The following NARF variants were observed in gnomAD, a reference collection of about 807,000 sequenced individuals.
NARF encodes iron-only hydrogenase-like protein 2.
A neutral mutation model predicts 48.0 loss-of-function variants in NARF; 41 were observed. The ratio of observed to expected loss-of-function variants is 0.85; its 90% CI spans 0.66 to 1.11. NARF has a LOEUF of 1.11. Ranked by LOEUF, NARF falls within the 50% of genes least tolerant of loss-of-function variation. The pLI, the probability that NARF is intolerant of heterozygous loss-of-function variation, is 0.00. For missense variants in NARF, 613 were observed against 590.2 expected (o/e 1.04, Z -0.40); for synonymous variants, 215 against 225.5 (o/e 0.95, Z 0.42).
At chr17:82,481,654 C>T (rs1164261579) in intron 7 of NARF, among the ~76,000 whole-genome samples, 1 of 151,646 alleles carries the variant, frequency 6.6e-6, no homozygotes, top group African/African-American at 2.4e-5. Flanking sequence ...CGCTTGAACC[C>T]GGGAGGCAGA....
chr17:82,487,446 T>C (rs1168298554), intron 10 of NARF, among the ~76,000 whole-genome samples: 1 of 142,954 alleles, frequency 7.0e-6, no homozygotes, highest in Non-Finnish European at 1.5e-5. Context: ...ATTAGGCCAC[T>C]GCACTCCAGC....
intron 10 of NARF, 112 bp from the exon 11 acceptor site, chr17:82,487,804 T>C: frequency 2.7e-6 from 1 of 374,002 alleles, no homozygotes; most frequent in South Asian, 2.6e-5. Context: ...CTACAAAAAA[T>C]TTAAAAATCA....
intron 10 of NARF, among the ~76,000 whole-genome samples, chr17:82,486,376 C>T (rs925588865): frequency 4.6e-5 from 7 of 152,116 alleles, no homozygotes; most frequent in African/African-American, 9.7e-5. Flanking sequence ...GTGGAAATGC[C>T]GGGTGCAGGT....
intron 5 of NARF, chr17:82,478,543 G>A (rs766542160): frequency 1.4e-5 from 8 of 564,590 alleles, no homozygotes; most frequent in African/African-American, 7.5e-5. Flanking sequence ...CTGTTACTCC[G>A]ACTCTTACTT....
intron 8 of NARF, 105 bp from the exon 9 acceptor site, chr17:82,484,708 T>G: frequency 2.2e-6 from 3 of 1,392,950 alleles, no homozygotes; most frequent in Non-Finnish European, 2.9e-6. Flanking sequence ...TTAGCTTCTT[T>G]GGTGGCGAAC....
At chr17:82,464,987 A>G (rs1031633952) in intron 3 of NARF, among the ~76,000 whole-genome samples, 7 of 152,312 alleles carry the variant, frequency 4.6e-5, no homozygotes, top group African/African-American at 1.4e-4. Flanking sequence ...ACTACGTGAC[A>G]CTGGCTAATT....
rs2044102798 is a variant in NARF, at chr17:82,486,690, A to G, written c.1129+1036A>G. On this transcript the variant is annotated intron_variant, in intron 10 of 10. Transcript: ENST00000309794. ...GCCTCTGGGAGGGCCTCTGTGTGCAAGCGGGTGGAGCTGGGGCCTGAGGAA... is the reference window on the plus strand; with the variant it reads ...GCCTCTGGGAGGGCCTCTGTGTGCAGGCGGGTGGAGCTGGGGCCTGAGGAA... Among the ~76,000 whole-genome samples, 2 of 152,102 alleles carry G rather than the reference A, an allele frequency of 1.3e-5. 1 individual carries two copies. The highest frequency in any genetic ancestry group is 4.1e-4 in the South Asian group (2 of 4,828).
chr17:82,486,633 A>G (rs2044101939), intron 10 of NARF, among the ~76,000 whole-genome samples: 1 of 152,138 alleles, frequency 6.6e-6, no homozygotes, highest in African/African-American at 2.4e-5. Flanking sequence ...AGCTGGGCTG[A>G]GGAGCAGCCG....
chr17:82,476,240 T>C (rs550751594), intron 5 of NARF, among the ~76,000 whole-genome samples: 2 of 152,316 alleles, frequency 1.3e-5, no homozygotes, highest in South Asian at 4.1e-4. Flanking sequence ...ACTCCTGACC[T>C]CAGGTGATCG....
chr17:82,479,633 C>T (rs2043914710), intron 6 of NARF, among the ~76,000 whole-genome samples: 1 of 152,342 alleles, frequency 6.6e-6, no homozygotes, highest in South Asian at 2.1e-4. Flanking sequence ...TCAGACTTTA[C>T]ACCTCCCTCC....
At chr17:82,481,887 C>T (rs2043973125) in intron 7 of NARF, 1 of 333,022 alleles carries the variant, frequency 3.0e-6, no homozygotes, top group Non-Finnish European at 5.9e-6. Flanking sequence ...CAAGTCTGCA[C>T]TTAAAACACA....
upstream of NARF, chr17:82,458,526 G>C: frequency 2.5e-6 from 1 of 397,674 alleles, no homozygotes. Flanking sequence ...GAGTGAGCCT[G>C]CGGTCCGCCC....
At chr17:82,464,968 C>T (rs1205961472) in intron 3 of NARF, among the ~76,000 whole-genome samples, 1 of 152,172 alleles carries the variant, frequency 6.6e-6, no homozygotes, top group African/African-American at 2.4e-5. Context: ...TCTCACATTG[C>T]TACAAAGAAC....
intron 8 of NARF, 143 bp from the exon 9 acceptor site, chr17:82,484,669 TC>T: frequency 9.8e-7 from 1 of 1,018,526 alleles, no homozygotes; most frequent in South Asian, 2.1e-5. Context: ...AATGGGACTT[TC>T]TGCAAAGTTT....
rs2043981060 is a variant in NARF, at chr17:82,482,214, T to C, written c.769+1003T>C. 79 of 423,454 alleles carry C rather than the reference T, an allele frequency of 1.9e-4. 1 individual carries two copies. Among genetic ancestry groups the C allele is most frequent in the South Asian group, 1.2e-3 (76 of 60,830 alleles). 26.2% of individuals were successfully genotyped at this position (423,454 alleles called of 1,614,324 possible). ...GAGGTCAGCTCTCAGGGACAATCTT[T>C]AAGGGCGCCAATGTCCCTCACAGGC... On this transcript the variant is annotated intron_variant, in intron 7 of 10. Transcript: ENST00000309794.
At chr17:82,474,250 G>A (rs187904340) in intron 5 of NARF, among the ~76,000 whole-genome samples, 3 of 152,208 alleles carry the variant, frequency 2.0e-5, no homozygotes, top group Admixed American at 6.5e-5. Context: ...GAATAATATG[G>A]CAAACGTGCA....
chr17:82,458,503 G>C (rs2043340019), upstream of NARF: 1 of 366,978 alleles, frequency 2.7e-6, no homozygotes, highest in South Asian at 8.3e-5. Context: ...CGGTCCCCCC[G>C]GCGCCGTACG....
intron 6 of NARF, 128 bp downstream of exon 6, chr17:82,479,046 G>C (rs571156045): frequency 2.6e-6 from 2 of 766,456 alleles, no homozygotes; most frequent in Admixed American, 2.9e-5. Context: ...AAAGGAAGCT[G>C]TGGCTTCAGG....
chr17:82,476,052 G>T (rs1414229122), intron 5 of NARF, among the ~76,000 whole-genome samples: 1 of 151,928 alleles, frequency 6.6e-6, no homozygotes, highest in Non-Finnish European at 1.5e-5. Context: ...CTGTCACCCA[G>T]GCTGGAGTGC....
Sources: gnomAD v4.1 joint callset for allele counts (sites outside exome capture counted in the v4.1 genomes callset) on GRCh38, gnomAD v4.1.1 for gene constraint, MANE v1.5 for transcripts, NCBI Gene and HGNC (gene_info 2026-07-23, HGNC 2026-07-21) for gene names.